RBFOX1: variants seen among roughly 807,000 people sequenced by gnomAD.
RBFOX1 encodes the protein RNA binding fox-1 homolog 1.
Under a neutral mutation model 57.7 loss-of-function variants are expected in RBFOX1, and 8 were observed. The ratio of observed to expected loss-of-function variants is 0.14; its 90% CI spans 0.08 to 0.25. The LOEUF (loss-of-function observed/expected upper bound fraction) is 0.25, where lower values mean the gene tolerates loss of function less well. Ranked by LOEUF, RBFOX1 falls within the 10% of genes least tolerant of loss-of-function variation. The pLI, the probability that RBFOX1 is intolerant of heterozygous loss-of-function variation, is 1.00. For synonymous variants in RBFOX1, 326 were observed against 222.4 expected (o/e 1.47, Z -4.15); for missense variants, 611 against 548.5 (o/e 1.11, Z -1.14).
chr16:5,536,338 G>A (rs919677975), intron 2 of RBFOX1, among the ~76,000 whole-genome samples: 1 of 149,074 alleles, frequency 6.7e-6, no homozygotes, highest in African/African-American at 2.5e-5. Flanking sequence ...GGGTTCAAGC[G>A]ATTCTCCTGC....
chr16:6,591,358 G>A (rs2097707853), intron 2 of RBFOX1, among the ~76,000 whole-genome samples: 1 of 152,158 alleles, frequency 6.6e-6, no homozygotes, highest in Non-Finnish European at 1.5e-5. Flanking sequence ...GGAGGCTGAG[G>A]CATGAGAATC....
intron 2 of RBFOX1, among the ~76,000 whole-genome samples, chr16:6,340,808 C>A (rs757495409): frequency 3.9e-5 from 6 of 152,132 alleles, no homozygotes; most frequent in Non-Finnish European, 7.4e-5. Flanking sequence ...GTCTTAGCCT[C>A]CTTTTACGCA....
At chr16:7,219,652 G>C (rs534235045) in intron 4 of RBFOX1, among the ~76,000 whole-genome samples, 1 of 152,136 alleles carries the variant, frequency 6.6e-6, no homozygotes, top group African/African-American at 2.4e-5. Context: ...TGTCAAACTC[G>C]GAGTAAAACT....
At chr16:5,517,153 C>T (rs907579033) in intron 2 of RBFOX1, among the ~76,000 whole-genome samples, 7 of 152,036 alleles carry the variant, frequency 4.6e-5, no homozygotes, top group African/African-American at 1.7e-4. Context: ...CTGTGGTCAC[C>T]AGGAGCAGAA....
chr16:6,796,107 G>A (rs975648650), intron 3 of RBFOX1, among the ~76,000 whole-genome samples: 19 of 150,376 alleles, frequency 1.3e-4, no homozygotes, highest in African/African-American at 4.3e-4. Context: ...TGGCTGGGGA[G>A]GCCTCACAGT....
intron 2 of RBFOX1, among the ~76,000 whole-genome samples, chr16:6,441,623 A>G (rs900245487): frequency 6.6e-6 from 1 of 152,024 alleles, no homozygotes; most frequent in Non-Finnish European, 1.5e-5. Context: ...TCGCCATGTC[A>G]TCTAGGCTGA....
At chr16:6,695,459 GA>G (rs1030201514) in intron 3 of RBFOX1, among the ~76,000 whole-genome samples, 3 of 143,858 alleles carry the variant, frequency 2.1e-5, no homozygotes, top group Admixed American at 7.0e-5. Flanking sequence ...GAAAGGAAAG[GA>G]AAAGAAAATG....
At chr16:5,642,612 C>G (rs373761546) in intron 3 of RBFOX1, among the ~76,000 whole-genome samples, 9 of 152,030 alleles carry the variant, frequency 5.9e-5, no homozygotes, top group South Asian at 2.1e-4. Context: ...GCCTAGCCGC[C>G]CCCCCTTCCC....
At chr16:6,920,054 G>A (rs1173269259) in intron 3 of RBFOX1, among the ~76,000 whole-genome samples, 1 of 152,054 alleles carries the variant, frequency 6.6e-6, no homozygotes, top group African/African-American at 2.4e-5. Context: ...CCGTTCCTGA[G>A]TTACTTCACT....
intron 1 of RBFOX1, among the ~76,000 whole-genome samples, chr16:6,314,410 C>G (rs558057120): frequency 5.3e-4 from 81 of 152,174 alleles, no homozygotes; most frequent in African/African-American, 1.9e-3. Flanking sequence ...GCCATAGGGA[C>G]CTCCCCTAAA....
chr16:6,686,479 C>T (rs2059452867), intron 3 of RBFOX1, among the ~76,000 whole-genome samples: 5 of 152,158 alleles, frequency 3.3e-5, no homozygotes, highest in Admixed American at 3.3e-4. Flanking sequence ...TTAAGCACTA[C>T]GTGGTTGTGT....
At chr16:5,514,604 C>T (rs1041847188) in intron 2 of RBFOX1, among the ~76,000 whole-genome samples, 4 of 152,114 alleles carry the variant, frequency 2.6e-5, no homozygotes. Context: ...CACAGTCAGG[C>T]ACTGTTTTAG....
At chr16:7,023,330 C>T (rs766989507) in intron 3 of RBFOX1, among the ~76,000 whole-genome samples, 17 of 151,422 alleles carry the variant, frequency 1.1e-4, no homozygotes, top group Non-Finnish European at 2.2e-4. Flanking sequence ...AGTGGTGGTG[C>T]ATGCCTGTAA....
At chr16:7,119,167 C>A (rs1353973054) in intron 4 of RBFOX1, among the ~76,000 whole-genome samples, 1 of 152,150 alleles carries the variant, frequency 6.6e-6, no homozygotes, top group Non-Finnish European at 1.5e-5. Context: ...TTGACTCAGA[C>A]TAGAAACCTA....
chr16:6,085,278 T>C (rs1177374254), intron 1 of RBFOX1, among the ~76,000 whole-genome samples: 2 of 152,216 alleles, frequency 1.3e-5, no homozygotes, highest in African/African-American at 4.8e-5. Flanking sequence ...GTTTGTGTTT[T>C]GTTTTGTTTT....
At chr16:6,947,223 A>T (rs1026323068) in intron 3 of RBFOX1, among the ~76,000 whole-genome samples, 1 of 151,584 alleles carries the variant, frequency 6.6e-6, no homozygotes, top group South Asian at 2.1e-4. Flanking sequence ...TCTTTTAGGA[A>T]TTGGCCAAAA....
At chr16:7,135,163 C>T (rs1600579507) in intron 4 of RBFOX1, among the ~76,000 whole-genome samples, 1 of 152,070 alleles carries the variant, frequency 6.6e-6, no homozygotes, top group Admixed American at 6.6e-5. Flanking sequence ...TGTTTATTTC[C>T]CTGTTACATT....
chr16:6,207,737 G>C (rs1006681806), intron 1 of RBFOX1, among the ~76,000 whole-genome samples: 2 of 152,070 alleles, frequency 1.3e-5, no homozygotes, highest in East Asian at 3.9e-4. Flanking sequence ...ACTCAGGCTG[G>C]AGTGCAGTGG....
At chr16:5,954,217 G>A (rs566419924) in intron 4 of RBFOX1, among the ~76,000 whole-genome samples, 1 of 152,284 alleles carries the variant, frequency 6.6e-6, no homozygotes, top group Admixed American at 6.5e-5. Context: ...TATTCAGGCT[G>A]GCCGTGGTCT....
Sources: allele counts gnomAD v4.1 joint callset (sites outside exome capture counted in the v4.1 genomes callset), GRCh38; gene constraint gnomAD v4.1.1; transcripts MANE v1.5; gene names NCBI Gene and HGNC (gene_info 2026-07-23, HGNC 2026-07-21).